SCUBE1: variants seen among roughly 807,000 people sequenced by gnomAD.
SCUBE1 encodes the protein signal peptide, CUB domain and EGF like domain containing 1, also known as signal peptide, CUB and EGF-like domain-containing protein 1.
SCUBE1 carries 59 observed loss-of-function variants against 124.4 expected under a neutral mutation model. The observed-to-expected ratio is 0.47, with a 90% CI of 0.38 to 0.59. SCUBE1 has a LOEUF of 0.59. Ranked by LOEUF, SCUBE1 falls within the 20% of genes least tolerant of loss-of-function variation. SCUBE1 has a pLI of 0.00. For missense variants in SCUBE1, 1,150 were observed against 1,371.2 expected (o/e 0.84, Z 2.55); for synonymous variants, 545 against 550.9 (o/e 0.99, Z 0.15).
At chr22:43,302,169 C>T (rs959696654) in intron 3 of SCUBE1, among the ~76,000 whole-genome samples, 2 of 152,194 alleles carry the variant, frequency 1.3e-5, no homozygotes, top group African/African-American at 4.8e-5. Context: ...GCGGAGATCG[C>T]GATGGGGAAC....
intron 19 of SCUBE1, among the ~76,000 whole-genome samples, chr22:43,208,735 A>G (rs1009017307): frequency 2.1e-4 from 32 of 152,170 alleles, no homozygotes; most frequent in Admixed American, 1.9e-3. Flanking sequence ...CTGAGCCCTG[A>G]TCTCCCGAGG....
At chr22:43,308,851 G>A (rs1191633915) in intron 3 of SCUBE1, among the ~76,000 whole-genome samples, 3 of 152,242 alleles carry the variant, frequency 2.0e-5, no homozygotes, top group Admixed American at 6.5e-5. Flanking sequence ...GACAGGGACC[G>A]ACCCCATTTC....
At chr22:43,308,762 C>G (rs1356490612) in intron 3 of SCUBE1, among the ~76,000 whole-genome samples, 1 of 152,240 alleles carries the variant, frequency 6.6e-6, no homozygotes, top group Non-Finnish European at 1.5e-5. Context: ...GAGGGCCCCT[C>G]CTACTCCTCC....
intron 4 of SCUBE1, chr22:43,283,421 ATAT>A (rs1925005795): frequency 1.3e-5 from 2 of 152,202 alleles, no homozygotes; most frequent in African/African-American, 4.8e-5. Flanking sequence ...GCAATGGATA[ATAT>A]TAGTATCCAT....
At chr22:43,335,397 G>C (rs1927030491) in intron 2 of SCUBE1, among the ~76,000 whole-genome samples, 3 of 152,098 alleles carry the variant, frequency 2.0e-5, no homozygotes, top group Admixed American at 6.6e-5. Context: ...TAAAAGAACA[G>C]GGTCTACACA....
intron 16 of SCUBE1, among the ~76,000 whole-genome samples, chr22:43,212,967 G>A (rs1449536075): frequency 2.0e-5 from 3 of 152,098 alleles, no homozygotes; most frequent in Non-Finnish European, 4.4e-5. Context: ...CGGGGTCTCC[G>A]CAGAAGGAGC....
chr22:43,235,999 C>T (rs543105535), intron 7 of SCUBE1, among the ~76,000 whole-genome samples: 53 of 152,298 alleles, frequency 3.5e-4, no homozygotes, highest in East Asian at 1.2e-3. Flanking sequence ...CCCACCTGCC[C>T]GGGGTTTGCA....
At chr22:43,338,961 C>T in intron 2 of SCUBE1, 143 bp downstream of exon 2, 1 of 949,076 alleles carries the variant, frequency 1.1e-6, no homozygotes, top group Non-Finnish European at 1.6e-6. Flanking sequence ...CCTCCTGAGG[C>T]TGAGAGAAGC....
At chr22:43,245,647 C>A (rs972128784) in intron 6 of SCUBE1, among the ~76,000 whole-genome samples, 1 of 152,192 alleles carries the variant, frequency 6.6e-6, no homozygotes, top group African/African-American at 2.4e-5. Flanking sequence ...TCTGAGGCAG[C>A]CCAGGGTCTC....
At chr22:43,288,680 C>T (rs1925242078) in intron 4 of SCUBE1, among the ~76,000 whole-genome samples, 1 of 152,260 alleles carries the variant, frequency 6.6e-6, no homozygotes, top group Admixed American at 6.5e-5. Flanking sequence ...TCTCACACCG[C>T]ATCACCTCCC....
Position 43,319,952 on chromosome 22 carries a change from C to A in SCUBE1, c.334G>T (p.Gly112Ter). 1 of 1,614,086 alleles carries A rather than the reference C, an allele frequency of 6.2e-7. No homozygotes were observed. Among genetic ancestry groups the A allele is most frequent in the Non-Finnish European group, 8.5e-7 (1 of 1,179,988 alleles). Residue 112 changes from glycine to a stop codon, truncating the protein, a stop_gained, in exon 3 of 22, where the codon GGA (glycine) becomes TGA (stop). Transcript: ENST00000360835. LOFTEE classifies it high-confidence loss of function. ...CFDGFMLAHD[G>*]HNCLDVDECQ... The stretch of plus-strand genomic sequence containing the variant: ...TATCACTCACCCAGGCAGTTGTGTC[C>A]ATCGTGTGCCAGCATGAAGCCATCA...
intron 4 of SCUBE1, among the ~76,000 whole-genome samples, chr22:43,276,378 G>C (rs151199948): frequency 2.4e-4 from 37 of 152,290 alleles, no homozygotes; most frequent in African/African-American, 7.9e-4. Context: ...AAAGAGTCTG[G>C]TGACATAATC....
At chr22:43,341,603 C>T (rs1927319026) in intron 1 of SCUBE1, among the ~76,000 whole-genome samples, 1 of 152,208 alleles carries the variant, frequency 6.6e-6, no homozygotes, top group Non-Finnish European at 1.5e-5. Context: ...TCCCAACACA[C>T]CTTTAAACAC....
chr22:43,246,561 G>A (rs1034779262), intron 6 of SCUBE1, among the ~76,000 whole-genome samples: 1 of 152,238 alleles, frequency 6.6e-6, no homozygotes. Context: ...AGGGGAAGGG[G>A]TGTAGGATAG....
rs182104715 is a variant in SCUBE1, at chr22:43,204,980, C to T, written c.2815-831G>A. On this transcript the variant is annotated intron_variant, in intron 21 of 21. Coordinates refer to ENST00000360835, the MANE Select transcript of SCUBE1 (RefSeq NM_173050.5). ...AAAAGATTTTATTAACAAAGGGTCC[C>T]GCTGCAAAATGACACAACACAACCA... is the stretch of plus-strand genomic sequence containing the variant. 7.1e-4 allele frequency among the ~76,000 whole-genome samples: 108 copies of T among 152,074 alleles called. 1 individual carries two copies. In the Middle Eastern group the frequency reaches 0.01, roughly 14 times the overall value.
intron 7 of SCUBE1, chr22:43,238,383 T>C: frequency 2.9e-6 from 1 of 344,202 alleles, no homozygotes; most frequent in South Asian, 5.1e-5. Flanking sequence ...TAGACCTGTG[T>C]GTCCCAGATG....
At chr22:43,305,087 A>C (rs1410940766) in intron 3 of SCUBE1, among the ~76,000 whole-genome samples, 3 of 152,120 alleles carry the variant, frequency 2.0e-5, no homozygotes, top group Non-Finnish European at 4.4e-5. Flanking sequence ...CTTTCATTCC[A>C]TTCCATCTTG....
chr22:43,217,869 C>T (rs1921905494), intron 15 of SCUBE1, among the ~76,000 whole-genome samples: 1 of 152,204 alleles, frequency 6.6e-6, no homozygotes, highest in African/African-American at 2.4e-5. Context: ...CCGACCCTGA[C>T]TCAGGCTCCC....
rs1024957649 is a variant in SCUBE1 at position 43,200,968 on chromosome 22, C to T, written c.*3029G>A. On this transcript the variant is annotated 3_prime_UTR_variant, in exon 22 of 22. Coordinates refer to ENST00000360835, the MANE Select transcript of SCUBE1 (RefSeq NM_173050.5). ...GCCCAAAGGAATTGCAGAAAGAGCT[C>T]AGAGAGGTTAAGAGCTCTTTCTGTT... 1 of 152,092 alleles carries T rather than the reference C, an allele frequency of 6.6e-6. No homozygotes were observed. The highest frequency in any genetic ancestry group is 2.4e-5 in the African/African-American group (1 of 41,394). 9.4% of individuals were successfully genotyped at this position (152,092 alleles called of 1,614,324 possible). A position where few individuals can be genotyped will look rare whatever the true frequency, so the allele number is the denominator to read the frequency against.
Sources: gnomAD v4.1 joint callset for allele counts (sites outside exome capture counted in the v4.1 genomes callset) on GRCh38, gnomAD v4.1.1 for gene constraint, MANE v1.5 for transcripts, NCBI Gene and HGNC (gene_info 2026-07-23, HGNC 2026-07-21) for gene names.